The following NDRG2 variants were observed in gnomAD, a reference collection of about 807,000 sequenced individuals.
NDRG2 encodes protein NDRG2.
NDRG2 carries 34 observed loss-of-function variants against 58.2 expected under a neutral mutation model. That is an observed-to-expected ratio of 0.58 (90% CI 0.44 to 0.78). The LOEUF (loss-of-function observed/expected upper bound fraction) is 0.78, where lower values mean the gene tolerates loss of function less well. Ranked by LOEUF, NDRG2 falls within the 30% of genes least tolerant of loss-of-function variation. NDRG2 has a pLI of 0.00. For missense variants in NDRG2, 434 were observed against 471.2 expected, an observed-to-expected ratio of 0.92 and a Z score of 0.73; for synonymous variants, 187 against 175.9, an observed-to-expected ratio of 1.06 and a Z score of -0.50.
chr14:21,030,793 C>T, upstream of NDRG2: 1 of 1,605,098 alleles, frequency 6.2e-7, no homozygotes, highest in Non-Finnish European at 8.5e-7. Flanking sequence ...GTGAGAAGAA[C>T]CTGCGAGGTA....
At chr14:21,023,649 C>T (rs992700884) in intron 1 of NDRG2, 2 of 285,946 alleles carry the variant, frequency 7.0e-6, no homozygotes, top group Non-Finnish European at 1.4e-5. Context: ...TCAGATTTCT[C>T]GGGCTATATT....
rs368748993 is a variant in NDRG2, at chr14:21,018,447, G to C, written c.861+10C>G. On this transcript the variant is annotated intron_variant, in intron 13 of 15. Coordinates refer to ENST00000556147, the MANE Select transcript of NDRG2 (RefSeq NM_001320329.2). ...GACTGTGGACGGGGGCCCAGGAACA[G>C]GTTACTGACCTTGAGGAACGAGGTC... 4.3e-6 allele frequency: 7 copies of C among 1,613,766 alleles called. No individual in the cohort carries two copies. Among genetic ancestry groups the C allele is most frequent in the Non-Finnish European group, 5.9e-6 (7 of 1,179,910 alleles).
At position 21,070,428 on chromosome 14, in the gene NDRG2, C is replaced by A; in HGVS notation, c.24+400G>T. 1.4e-6 allele frequency: 2 copies of A among 1,401,232 alleles called. No individual in the cohort carries two copies. The highest frequency in any genetic ancestry group is 1.8e-6 in the Non-Finnish European group (2 of 1,086,328). The allele number at this position is 1,401,232 out of a possible 1,614,324, so 86.8% of individuals were successfully genotyped here. ...AGTCCAGCGTCGCAGCCCCCTGGGT[C>A]CCCTCGGCCTTCGCGCAGCCCGCTC... On this transcript the variant is annotated intron_variant, in intron 1 of 14. Coordinates refer to the NDRG2 transcript ENST00000403829. This position sits in a 1 kb window ranked among gnomAD's most constrained non-coding sequence, Gnocchi z 4.7.
chr14:21,062,283 T>C (rs889067503), intron 1 of NDRG2, among the ~76,000 whole-genome samples: 4 of 152,224 alleles, frequency 2.6e-5, no homozygotes, highest in African/African-American at 9.7e-5. Context: ...GGTGATTATA[T>C]TTTCCGGTGT....
chr14:21,041,409 A>G (rs375953691), intron 1 of NDRG2, among the ~76,000 whole-genome samples: 32 of 152,316 alleles, frequency 2.1e-4, no homozygotes, highest in African/African-American at 7.2e-4. Flanking sequence ...GAGATTGCCT[A>G]CTACTTACAG....
At chr14:21,023,429 C>T (rs1271997792) in intron 1 of NDRG2, 108 bp from the exon 2 acceptor site, 1 of 1,021,646 alleles carries the variant, frequency 9.8e-7, no homozygotes, top group Non-Finnish European at 1.5e-6. Flanking sequence ...ACAGAGGGAC[C>T]CAGGGGTTGA....
At chr14:21,023,107 G>T (rs1881635542) in intron 2 of NDRG2, 134 bp downstream of exon 2, 1 of 911,232 alleles carries the variant, frequency 1.1e-6, no homozygotes, top group East Asian at 2.6e-5. Context: ...ATAGTGTATG[G>T]GGAGAGAGAC....
upstream of NDRG2, chr14:21,030,195 C>T (rs910437449): frequency 1.7e-4 from 31 of 186,730 alleles, no homozygotes; most frequent in Non-Finnish European, 3.0e-4. Flanking sequence ...TAGAATCTTC[C>T]CTCTCCTCCC....
chr14:21,048,975 G>A (rs925543048), intron 1 of NDRG2, among the ~76,000 whole-genome samples: 2 of 152,200 alleles, frequency 1.3e-5, no homozygotes. Flanking sequence ...TGAAGGAGAA[G>A]TAAAAGGGGG....
intron 1 of NDRG2, chr14:21,032,949 T>C (rs1324015524): frequency 2.2e-6 from 1 of 456,052 alleles, no homozygotes; most frequent in Non-Finnish European, 4.4e-6. Flanking sequence ...TCAGATGTGG[T>C]TTTAGAAATT....
At chr14:21,022,305 A>AC in intron 4 of NDRG2, 87 bp downstream of exon 4, 1 of 1,571,540 alleles carries the variant, frequency 6.4e-7, no homozygotes, top group African/African-American at 1.4e-5. Context: ...TCCCACACTG[A>AC]CCCCTCCCCT....
chr14:21,030,130 G>A (rs543422076), upstream of NDRG2: 1 of 155,120 alleles, frequency 6.4e-6, no homozygotes, highest in Admixed American at 6.4e-5. Context: ...CTCCTTTGAA[G>A]GCAATGGCTG....
chr14:21,025,360 C>A, upstream of NDRG2: 1 of 985,424 alleles, frequency 1.0e-6, no homozygotes, highest in Non-Finnish European at 1.2e-6. This position sits in a 1 kb window ranked among gnomAD's most constrained non-coding sequence, Gnocchi z 5.1. Context: ...GAGAGGGATC[C>A]CTCGGCTGCC....
chr14:21,055,682 G>A (rs1885643496), intron 1 of NDRG2, among the ~76,000 whole-genome samples: 1 of 152,218 alleles, frequency 6.6e-6, no homozygotes, highest in African/African-American at 2.4e-5. Flanking sequence ...ATCTTGGTTG[G>A]CAGTAAACGT....
At chr14:21,021,043 A>AAGTC (rs1879959593) in intron 6 of NDRG2, 199 bp from the exon 7 acceptor site, 2 of 685,720 alleles carry the variant, frequency 2.9e-6, no homozygotes, top group African/African-American at 3.5e-5. Flanking sequence ...TAGATACCTG[A>AAGTC]AGTCTATCCC....
At chr14:21,050,935 C>T (rs540308678) in intron 1 of NDRG2, among the ~76,000 whole-genome samples, 18 of 152,170 alleles carry the variant, frequency 1.2e-4, no homozygotes, top group African/African-American at 3.9e-4. Flanking sequence ...CTTTTATATA[C>T]GTTTTAAATT....
At chr14:21,017,792 C>CA in intron 15 of NDRG2, 30 bp from the exon 16 acceptor site, 1 of 1,603,242 alleles carries the variant, frequency 6.2e-7, no homozygotes, top group Non-Finnish European at 8.5e-7. Context: ...CACAAGCAGT[C>CA]AGAGAGGAAG....
At chr14:21,046,968 G>A (rs975305903) in intron 1 of NDRG2, 2 of 152,476 alleles carry the variant, frequency 1.3e-5, no homozygotes, top group African/African-American at 4.8e-5. Context: ...TGGTCTTGCT[G>A]TCTCAGGGAT....
chr14:21,022,778 GAA>G, intron 3 of NDRG2, 84 bp downstream of exon 3: 1 of 1,360,866 alleles, frequency 7.3e-7, no homozygotes, highest in Non-Finnish European at 1.0e-6. Context: ...AGCAAAGAGA[GAA>G]GAGAGGGCCA....
Sources: gnomAD v4.1 joint callset for allele counts (sites outside exome capture counted in the v4.1 genomes callset) on GRCh38, gnomAD v4.1.1 for gene constraint, Gnocchi (gnomAD v3.1) non-coding constraint, MANE v1.5 for transcripts, NCBI Gene and HGNC (gene_info 2026-07-23, HGNC 2026-07-21) for gene names.